Variants in CCDC138 observed in about 807,000 individuals in gnomAD.
The protein encoded by CCDC138 is coiled-coil domain containing 138.
A neutral mutation model predicts 82.3 loss-of-function variants in CCDC138; 66 were observed. That is an observed-to-expected ratio of 0.80 (90% confidence interval 0.66 to 0.98). The LOEUF is 0.98. Ranked by LOEUF, CCDC138 falls within the 50% of genes least tolerant of loss-of-function variation. CCDC138 has a pLI of 0.00. For missense variants in CCDC138, 816 were observed against 758.9 expected, an observed-to-expected ratio of 1.08 and a Z score of -0.88; for synonymous variants, 297 against 265.4, an observed-to-expected ratio of 1.12 and a Z score of -1.16.
chr2:108,818,033 C>T (rs368849672), intron 10 of CCDC138, among the ~76,000 whole-genome samples: 4 of 152,214 alleles, frequency 2.6e-5, no homozygotes, highest in African/African-American at 7.2e-5. Flanking sequence ...GGGCTGGGCA[C>T]GGTGGCTCAT....
intron 9 of CCDC138, among the ~76,000 whole-genome samples, chr2:108,815,180 A>G (rs1684548641): frequency 1.3e-5 from 2 of 152,082 alleles, no homozygotes; most frequent in African/African-American, 4.8e-5. Context: ...ACAAAGTAAC[A>G]ATTTTTGTGA....
intron 10 of CCDC138, among the ~76,000 whole-genome samples, chr2:108,828,986 A>G (rs563130194): frequency 6.6e-6 from 1 of 152,232 alleles, no homozygotes; most frequent in South Asian, 2.1e-4. Context: ...TCAAAAAGAA[A>G]AAAATTTAAC....
intron 10 of CCDC138, among the ~76,000 whole-genome samples, chr2:108,836,436 G>C (rs957976893): frequency 6.6e-6 from 1 of 152,152 alleles, no homozygotes; most frequent in Non-Finnish European, 1.5e-5. Flanking sequence ...CCATCTCATG[G>C]CTATTGTGAA....
Position 108,846,914 on chromosome 2 carries a change from C to G in CCDC138, c.1500C>G (p.Leu500=). 1 of 1,597,870 alleles carries G rather than the reference C, an allele frequency of 6.3e-7. No homozygotes were observed. The highest frequency in any genetic ancestry group is 8.6e-7 in the Non-Finnish European group (1 of 1,167,310). ...GATTTTTATCAACCTTAATTGTTCT[C>G]AAAACAGTCACTCAAGGTAAGCTTT... ...PLRFLSTLIV[L]KTVTQADYLA... The change falls in exon 12 of 15, where the codon CTC becomes CTG. Residue 500 remains leucine (L), a synonymous_variant. Transcript: ENST00000295124.
At chr2:108,844,808 C>G (rs1004205454) in intron 11 of CCDC138, among the ~76,000 whole-genome samples, 3 of 148,910 alleles carry the variant, frequency 2.0e-5, no homozygotes, top group Non-Finnish European at 4.4e-5. Flanking sequence ...AGAGCAGTGG[C>G]ACGATCTCGG....
At position 108,821,886 on chromosome 2, in the gene CCDC138, C is replaced by T. The variant is rs1044220134; in HGVS notation, c.1206+5781C>T. Among the ~76,000 whole-genome samples the T allele has an allele frequency of 2.7e-5, 4 of 150,018 alleles. No individual in the cohort carries two copies. In the Admixed American group the frequency reaches 2.7e-4, roughly 10 times the overall value. On this transcript the variant is annotated intron_variant, in intron 10 of 14. Transcript: ENST00000295124. ...CTTGAACCCAGGAGGTGAGATTGTG[C>T]CACTGCGCTCCAGCATGGGCAACAA...
intron 12 of CCDC138, among the ~76,000 whole-genome samples, chr2:108,853,878 A>AAT (rs1286549068): frequency 8.0e-6 from 1 of 124,856 alleles, no homozygotes; most frequent in East Asian, 2.0e-4. Flanking sequence ...TATACTATAT[A>AAT]ATATATTATA....
At chr2:108,860,441 C>T (rs1693363613) in intron 13 of CCDC138, among the ~76,000 whole-genome samples, 1 of 151,588 alleles carries the variant, frequency 6.6e-6, no homozygotes, top group Non-Finnish European at 1.5e-5. Flanking sequence ...TCAACTTTTC[C>T]CCATTAAATA....
chr2:108,811,263 G>A (rs553268227), intron 7 of CCDC138, among the ~76,000 whole-genome samples: 51 of 11,720 alleles, frequency 4.4e-3, no homozygotes, highest in African/African-American at 0.02. Context: ...TTTTTTTTTT[G>A]ACTGTCTCCC....
chr2:108,846,060 A>T (rs10496425), intron 11 of CCDC138, among the ~76,000 whole-genome samples: 139,163 of 152,214 alleles, frequency 0.91, 63,702 homozygotes, highest in East Asian at 1. Context: ...ATGACTTTTT[A>T]AATCAGAGTT....
intron 5 of CCDC138, among the ~76,000 whole-genome samples, chr2:108,797,347 AAGAGACGGCAGTATAAAAT>A (rs1558974409): frequency 6.6e-6 from 1 of 152,210 alleles, no homozygotes; most frequent in African/African-American, 2.4e-5. Flanking sequence ...AGTTGGAGGA[AAGAGACGGCAGTATAAAAT>A]GCTATTGAGA....
At chr2:108,800,638 T>TTTTTTTTTTTA (rs1491527939) in intron 6 of CCDC138, among the ~76,000 whole-genome samples, 15 of 73,772 alleles carry the variant, frequency 2.0e-4, no homozygotes, top group African/African-American at 3.5e-4. Context: ...TTTTTTTTTT[T>TTTTTTTTTTTA]AATTATACTT....
At chr2:108,831,037 T>C (rs1370972085) in intron 10 of CCDC138, among the ~76,000 whole-genome samples, 1 of 152,000 alleles carries the variant, frequency 6.6e-6, no homozygotes, top group Non-Finnish European at 1.5e-5. Flanking sequence ...TAGCCAGGCA[T>C]GGTGGTGCAT....
At position 108,815,966 on chromosome 2, in the gene CCDC138, A is replaced by T; in HGVS notation, c.1067A>T (p.Glu356Val). ...GTACCACTTAATGGGCAAGTTTATG[A>T]ACTTTTAACTGTCTTCATGGACTGG... is the stretch of plus-strand genomic sequence containing the variant. Reference protein sequence around the residue: ...YKVPLNGQVYELLTVFMDWIS... With the variant: ...YKVPLNGQVYVLLTVFMDWIS... The change falls in exon 10 of 15, where the codon GAA (glutamate) becomes GTA (valine). Residue 356 changes from glutamate (E) to valine (V), a missense_variant. Transcript: ENST00000295124. 1 of 1,611,322 alleles carries T rather than the reference A, an allele frequency of 6.2e-7. No homozygotes were observed. The highest frequency in any genetic ancestry group is 8.5e-7 in the Non-Finnish European group (1 of 1,179,120).
chr2:108,880,750 T>C (rs1464882907), downstream of CCDC138, among the ~76,000 whole-genome samples: 4 of 151,810 alleles, frequency 2.6e-5, no homozygotes, highest in African/African-American at 7.3e-5. Context: ...ACTGCTCAGA[T>C]AAAAAAAAGA....
intron 12 of CCDC138, among the ~76,000 whole-genome samples, chr2:108,852,386 A>G (rs72935903): frequency 0.069 from 10,574 of 152,236 alleles, 469 homozygotes; most frequent in South Asian, 0.15. Context: ...TCAACCCAAC[A>G]ATCCCATTAC....
At chr2:108,877,636 G>T (rs991387028), downstream of CCDC138, among the ~76,000 whole-genome samples, 1 of 152,182 alleles carries the variant, frequency 6.6e-6, no homozygotes, top group African/African-American at 2.4e-5. Context: ...CAGATACTAG[G>T]ACAGAGCCTG....
chr2:108,851,155 A>G (rs978362044), intron 12 of CCDC138, among the ~76,000 whole-genome samples: 7 of 152,204 alleles, frequency 4.6e-5, no homozygotes, highest in Non-Finnish European at 8.8e-5. Flanking sequence ...AATGATGTAG[A>G]TGAAGAGAGA....
At chr2:108,787,058 G>T (rs1384352708) in intron 1 of CCDC138, 143 bp downstream of exon 1, 15 of 436,588 alleles carry the variant, frequency 3.4e-5, no homozygotes, top group Non-Finnish European at 5.0e-5. Context: ...CTTGGGCCTC[G>T]TGGAAGCAGG....
Sources: allele counts gnomAD v4.1 joint callset (sites outside exome capture counted in the v4.1 genomes callset), GRCh38; gene constraint gnomAD v4.1.1; transcripts MANE v1.5; gene names NCBI Gene and HGNC (gene_info 2026-07-23, HGNC 2026-07-21).